The following SNED1 variants were observed in gnomAD, a reference collection of about 807,000 sequenced individuals.
The protein encoded by SNED1 is sushi, nidogen and EGF-like domain-containing protein 1.
SNED1 carries 81 observed loss-of-function variants against 166.7 expected under a neutral mutation model. That is an observed-to-expected ratio of 0.49 (90% CI 0.41 to 0.58). The LOEUF (loss-of-function observed/expected upper bound fraction) is 0.58, where lower values mean the gene tolerates loss of function less well. Among genes scored for constraint, SNED1 ranks in the 20% least tolerant of loss-of-function variants. The probability of loss-of-function intolerance (pLI) is 0.00; values close to 1 mark genes in which losing one functional copy is unlikely to be tolerated. For missense variants in SNED1, 1,604 were observed against 2,000.2 expected (o/e 0.80, Z 3.78); for synonymous variants, 762 against 822.0 (o/e 0.93, Z 1.25).
At chr2:241,089,958 T>C (rs1559322368) in intron 31 of SNED1, 1 of 1,545,352 alleles carries the variant, frequency 6.5e-7, no homozygotes, top group Non-Finnish European at 8.7e-7. Context: ...AAAATAGATA[T>C]AAAAGATAAA....
rs1371775920 is a variant in SNED1 at position 241,065,619 on chromosome 2, T to TCCCTGCCCAGC, written c.3010+33_3010+43dup. ...GCGTGAGTGTCCCCGAGCCTGGCCG[T>TCCCTGCCCAGC]CCCTGCCCAGCCCCTGCCCCTCGAG... is the stretch of plus-strand genomic sequence containing the variant. On this transcript the variant is annotated intron_variant, in intron 21 of 31. Transcript: ENST00000310397. The TCCCTGCCCAGC allele has an allele frequency of 3.7e-6, 6 of 1,603,828 alleles. No individual in the cohort carries two copies. The Admixed American group carries it at 6.8e-5, about 18-fold the overall frequency.
intron 8 of SNED1, among the ~76,000 whole-genome samples, chr2:241,047,390 A>G (rs540012972): frequency 2.0e-5 from 3 of 152,264 alleles, no homozygotes; most frequent in East Asian, 1.9e-4. Context: ...AAATAGGTCC[A>G]TAATTATTGG....
At chr2:241,019,624 G>A (rs1021978762) in intron 1 of SNED1, among the ~76,000 whole-genome samples, 16 of 152,300 alleles carry the variant, frequency 1.1e-4, no homozygotes, top group African/African-American at 2.2e-4. Flanking sequence ...CCCTGTCATC[G>A]CCTCGTCCAC....
At chr2:241,090,468 G>C in intron 31 of SNED1, 1 of 1,525,624 alleles carries the variant, frequency 6.6e-7, no homozygotes, top group Non-Finnish European at 8.8e-7. Context: ...ATGATGAAGA[G>C]TATAGTAAAT....
rs112680893 is a variant in SNED1 at position 241,064,802 on chromosome 2, T to G, written c.2600-42T>G. 1.4e-6 allele frequency: 2 copies of G among 1,420,672 alleles called. No homozygotes were observed. Among genetic ancestry groups the G allele is most frequent in the African/African-American group, 3.0e-5 (2 of 66,980 alleles). The allele number at this position is 1,420,672 out of a possible 1,614,324, so 88.0% of individuals were successfully genotyped here. A position where few individuals can be genotyped will look rare whatever the true frequency, so the allele number is the denominator to read the frequency against. The stretch of plus-strand genomic sequence containing the variant: ...AGGGCGGGGCTGGAGCAGGGACCCC[T>G]GGCCACGCCCCAACATACACTGCCA... On this transcript the variant is annotated intron_variant, in intron 19 of 31. Coordinates refer to ENST00000310397, the MANE Select transcript of SNED1 (RefSeq NM_001080437.3). This position sits in a 1 kb window ranked among gnomAD's most constrained non-coding sequence, Gnocchi z 7.0.
At position 241,063,520 on chromosome 2, in the gene SNED1, A is replaced by G. The variant is rs555392871; in HGVS notation, c.2372-67A>G. ...ACTGAAGCCCCAGGAAATGCACGGA[A>G]TCCTGGGGGCATGTGGGCGCCTCAG... On this transcript the variant is annotated intron_variant, in intron 17 of 31. Coordinates refer to ENST00000310397, the MANE Select transcript of SNED1 (RefSeq NM_001080437.3). 7.4e-5 allele frequency: 75 copies of G among 1,009,126 alleles called. 1 individual carries two copies. The East Asian group carries it at 1.7e-3, about 23-fold the overall frequency. 62.5% of individuals were successfully genotyped at this position (1,009,126 alleles called of 1,614,324 possible).
chr2:241,061,264 A>G (rs2062220668), intron 16 of SNED1, among the ~76,000 whole-genome samples: 1 of 152,230 alleles, frequency 6.6e-6, no homozygotes, highest in Non-Finnish European at 1.5e-5. Flanking sequence ...CAAACATAAA[A>G]AGAAATATTC....
chr2:241,057,781 CA>C (rs2062106532), intron 16 of SNED1, among the ~76,000 whole-genome samples: 1 of 152,058 alleles, frequency 6.6e-6, no homozygotes, highest in Non-Finnish European at 1.5e-5. Flanking sequence ...TATTCTCATA[CA>C]AACACAGCTT....
chr2:241,030,074 C>T (rs1289500499), intron 1 of SNED1, among the ~76,000 whole-genome samples: 1 of 152,248 alleles, frequency 6.6e-6, no homozygotes, highest in African/African-American at 2.4e-5. Context: ...GAGCCTGTGC[C>T]CTGAGCACAC....
intron 31 of SNED1, chr2:241,090,194 T>C: frequency 6.8e-7 from 1 of 1,469,712 alleles, no homozygotes; most frequent in Non-Finnish European, 9.0e-7. Context: ...TGCTTTTCTC[T>C]GTTTTTAAAA....
chr2:241,012,890 C>T (rs1185593609), intron 1 of SNED1, among the ~76,000 whole-genome samples: 1 of 148,284 alleles, frequency 6.7e-6, no homozygotes, highest in Non-Finnish European at 1.5e-5. Context: ...GGCTGGAGTG[C>T]AGTGACGTGA....
upstream of SNED1, among the ~76,000 whole-genome samples, chr2:240,997,839 G>A (rs2059962207): frequency 6.6e-6 from 1 of 152,176 alleles, no homozygotes; most frequent in South Asian, 2.1e-4. Context: ...ACATAGAGGT[G>A]GTCCCGGCTG....
intron 1 of SNED1, among the ~76,000 whole-genome samples, chr2:241,026,243 C>G (rs1340257760): frequency 6.6e-6 from 1 of 152,016 alleles, no homozygotes; most frequent in Non-Finnish European, 1.5e-5. Flanking sequence ...GTCTCGAACC[C>G]CTGACCTCAT....
chr2:241,049,772 G>C, intron 11 of SNED1, 45 bp from the exon 12 acceptor site: 1 of 1,487,600 alleles, frequency 6.7e-7, no homozygotes, highest in Non-Finnish European at 9.4e-7. Context: ...CGCCCGCACA[G>C]ATGCGGCGTA....
rs2062852701 is a variant in SNED1, at chr2:241,073,533, AC to A, written c.3916+170del. On this transcript the variant is annotated intron_variant, in intron 27 of 31. Transcript: ENST00000310397. The surrounding 1 kb of genome is among the most constrained non-coding windows in gnomAD (Gnocchi z 6.6). ...CGGTGTGGGAAGATGGGGTGAAGCT[AC>A]ACCACCCAAGCAGTGGGACCCCACA... 1 of 661,946 alleles carries A rather than the reference AC, an allele frequency of 1.5e-6. No individual in the cohort carries two copies. The highest frequency in any genetic ancestry group is 2.3e-5 in the Admixed American group (1 of 44,214). 41.0% of individuals were successfully genotyped at this position (661,946 alleles called of 1,614,324 possible). A position where few individuals can be genotyped will look rare whatever the true frequency, so the allele number is the denominator to read the frequency against.
At chr2:241,035,367 G>C (rs1203776401) in intron 4 of SNED1, among the ~76,000 whole-genome samples, 2 of 152,186 alleles carry the variant, frequency 1.3e-5, no homozygotes, top group Non-Finnish European at 2.9e-5. Flanking sequence ...CCTCCCAGGG[G>C]TGGGCACGTG....
In SNED1 at chr2:241,034,773, G is replaced by A. The variant is rs1197478712; in HGVS notation, c.805+43G>A. 1.8e-5 allele frequency: 27 copies of A among 1,492,550 alleles called. No homozygotes were observed. The South Asian group carries it at 3.4e-4, about 19-fold the overall frequency. 92.5% of individuals were successfully genotyped at this position (1,492,550 alleles called of 1,614,324 possible). A position where few individuals can be genotyped will look rare whatever the true frequency, so the allele number is the denominator to read the frequency against. On this transcript the variant is annotated intron_variant, in intron 4 of 31. Coordinates refer to ENST00000310397, the MANE Select transcript of SNED1 (RefSeq NM_001080437.3). ...CAGCTTGGGGTGGGAGCGGGCTGAGGAAGGGGGTTGATGGCAGAGGAGAGG... is the reference window on the plus strand; with the variant it reads ...CAGCTTGGGGTGGGAGCGGGCTGAGAAAGGGGGTTGATGGCAGAGGAGAGG...
intron 4 of SNED1, among the ~76,000 whole-genome samples, chr2:241,035,068 CAG>C (rs2061304938): frequency 1.3e-5 from 2 of 152,036 alleles, no homozygotes; most frequent in South Asian, 2.1e-4. Context: ...TCTGGGTCCT[CAG>C]GGGAGGAGGA....
intron 30 of SNED1, 80 bp from the exon 31 acceptor site, chr2:241,088,285 G>A: frequency 1.0e-6 from 1 of 983,490 alleles, no homozygotes. Flanking sequence ...ATCTCAGCAG[G>A]CAGCCTGGAC....
Sources: gnomAD v4.1 joint callset for allele counts (sites outside exome capture counted in the v4.1 genomes callset) on GRCh38, gnomAD v4.1.1 for gene constraint, Gnocchi (gnomAD v3.1) non-coding constraint, MANE v1.5 for transcripts, NCBI Gene and HGNC (gene_info 2026-07-23, HGNC 2026-07-21) for gene names.